Variants in PRKG1 observed in about 807,000 individuals in gnomAD.
PRKG1 encodes the protein cGMP-dependent protein kinase 1.
A neutral mutation model predicts 88.1 loss-of-function variants in PRKG1; 35 were observed. The observed-to-expected ratio is 0.40, with a 90% CI of 0.30 to 0.53. PRKG1 has a LOEUF of 0.53. Among genes scored for constraint, PRKG1 ranks in the 20% least tolerant of loss-of-function variants. The pLI is 0.59. For missense variants in PRKG1, 540 were observed against 839.8 expected (o/e 0.64, Z 4.41); for synonymous variants, 303 against 292.5 (o/e 1.04, Z -0.37).
chr10:51,697,557 A>G, intron 3 of PRKG1: 1 of 867,708 alleles, frequency 1.2e-6, no homozygotes, highest in East Asian at 2.6e-5. Context: ...GAAAGAAAGA[A>G]AAAGAACAAA....
At chr10:51,947,660 G>C (rs1013777083) in intron 5 of PRKG1, among the ~76,000 whole-genome samples, 4 of 152,186 alleles carry the variant, frequency 2.6e-5, no homozygotes, top group Non-Finnish European at 4.4e-5. Context: ...CACTCAAGCA[G>C]GTTCATGGGC....
rs112239239 is a variant in PRKG1 at position 51,765,112 on chromosome 10, G to A, written c.593-39473G>A. 2.6e-3 allele frequency among the ~76,000 whole-genome samples: 398 copies of A among 152,256 alleles called. 5 individuals carry two copies. The highest frequency in any genetic ancestry group is 0.01 in the Middle Eastern group (3 of 294). ...CTAGTGTGTATTAGGAAGGAAGATGGGGAGCACAGCTAGTTTCTTGAATTC... is the reference window on the plus strand; with the variant it reads ...CTAGTGTGTATTAGGAAGGAAGATGAGGAGCACAGCTAGTTTCTTGAATTC... On this transcript the variant is annotated intron_variant, in intron 3 of 17. Coordinates refer to ENST00000373980, the MANE Select transcript of PRKG1 (RefSeq NM_006258.4).
chr10:52,215,280 G>A (rs180781950), intron 9 of PRKG1, among the ~76,000 whole-genome samples: 1 of 151,730 alleles, frequency 6.6e-6, no homozygotes, highest in Non-Finnish European at 1.5e-5. Flanking sequence ...TGTAATCCCA[G>A]CTACTTGGGA....
intron 2 of PRKG1, among the ~76,000 whole-genome samples, chr10:51,182,797 C>T (rs928068163): frequency 6.6e-6 from 1 of 152,198 alleles, no homozygotes; most frequent in African/African-American, 2.4e-5. Flanking sequence ...GTCCAGGGGA[C>T]ACCACTCAGC....
intron 1 of PRKG1, among the ~76,000 whole-genome samples, chr10:51,119,293 T>C (rs1333126730): frequency 2.0e-5 from 3 of 152,108 alleles, no homozygotes; most frequent in Non-Finnish European, 2.9e-5. Flanking sequence ...CTTTGAGTTA[T>C]TGATCTTTGT....
intron 2 of PRKG1, among the ~76,000 whole-genome samples, chr10:51,167,652 G>A (rs1846585927): frequency 6.6e-6 from 1 of 152,202 alleles, no homozygotes. Context: ...CAAGATGGCA[G>A]TGTGGGAGAT....
intron 1 of PRKG1, among the ~76,000 whole-genome samples, chr10:51,114,202 G>C (rs1845051332): frequency 6.6e-6 from 1 of 152,064 alleles, no homozygotes; most frequent in Non-Finnish European, 1.5e-5. Flanking sequence ...ACATGATTTA[G>C]GTTAAATATG....
intron 4 of PRKG1, among the ~76,000 whole-genome samples, chr10:51,873,553 A>T (rs1841212509): frequency 7.2e-6 from 1 of 139,468 alleles, no homozygotes; most frequent in Non-Finnish European, 1.5e-5. Context: ...TTTGAGACGG[A>T]GTCTTGCTCT....
chr10:51,679,207 A>C (rs1320421941), intron 3 of PRKG1, among the ~76,000 whole-genome samples: 1 of 152,152 alleles, frequency 6.6e-6, no homozygotes, highest in Non-Finnish European at 1.5e-5. Flanking sequence ...ATTATTTTTC[A>C]TTCAATTCTG....
intron 3 of PRKG1, chr10:51,698,668 C>A (rs769196029): frequency 6.2e-7 from 1 of 1,614,072 alleles, no homozygotes; most frequent in Non-Finnish European, 8.5e-7. Context: ...CTGGGCCAAC[C>A]CCTGGCATTC....
intron 3 of PRKG1, among the ~76,000 whole-genome samples, chr10:51,615,144 T>G (rs182404622): frequency 5.9e-5 from 9 of 151,764 alleles, no homozygotes; most frequent in East Asian, 3.9e-4. Flanking sequence ...TATATTCAAC[T>G]TTGAATATAT....
At chr10:51,191,054 G>A (rs1365389226) in intron 2 of PRKG1, among the ~76,000 whole-genome samples, 1 of 151,852 alleles carries the variant, frequency 6.6e-6, no homozygotes, top group Non-Finnish European at 1.5e-5. Context: ...CTGGAAAATA[G>A]TAGGCTAAAC....
intron 7 of PRKG1, among the ~76,000 whole-genome samples, chr10:52,074,991 T>C (rs10740415): frequency 1 from 152,076 of 152,312 alleles, 75,920 homozygotes; most frequent in Middle Eastern, 1. Context: ...TTGCCTTATC[T>C]CCTATTCCAG....
chr10:51,915,836 A>T (rs968949788), intron 5 of PRKG1, among the ~76,000 whole-genome samples: 2 of 152,194 alleles, frequency 1.3e-5, no homozygotes, highest in Non-Finnish European at 2.9e-5. Flanking sequence ...AAAGTCCTAT[A>T]AGGACACAAA....
At chr10:51,222,124 C>G (rs558629554) in intron 2 of PRKG1, among the ~76,000 whole-genome samples, 2 of 110,724 alleles carry the variant, frequency 1.8e-5, no homozygotes, top group Non-Finnish European at 3.4e-5. Flanking sequence ...TGATCCGCGC[C>G]CCCCCCCGAC....
At chr10:52,008,449 C>T (rs998519084) in intron 5 of PRKG1, among the ~76,000 whole-genome samples, 1 of 152,050 alleles carries the variant, frequency 6.6e-6, no homozygotes, top group African/African-American at 2.4e-5. Context: ...GACATTACCA[C>T]TGACCTCACA....
intron 3 of PRKG1, among the ~76,000 whole-genome samples, chr10:51,595,361 G>A (rs919299992): frequency 6.6e-6 from 1 of 152,116 alleles, no homozygotes; most frequent in Non-Finnish European, 1.5e-5. Flanking sequence ...TGTGGTGGTG[G>A]CTCATGCCTG....
intron 9 of PRKG1, among the ~76,000 whole-genome samples, chr10:52,175,059 T>C (rs11001067): frequency 0.074 from 11,218 of 152,088 alleles, 825 homozygotes; most frequent in East Asian, 0.35. Flanking sequence ...CATCCTACAA[T>C]GATATAGAAC....
chr10:51,175,928 G>T (rs112774301), intron 2 of PRKG1, among the ~76,000 whole-genome samples: 1 of 152,012 alleles, frequency 6.6e-6, no homozygotes, highest in Non-Finnish European at 1.5e-5. Flanking sequence ...ATGAGTAATT[G>T]CATCTTTCAT....
Sources: gnomAD v4.1 joint callset for allele counts (sites outside exome capture counted in the v4.1 genomes callset) on GRCh38, gnomAD v4.1.1 for gene constraint, MANE v1.5 for transcripts, NCBI Gene and HGNC (gene_info 2026-07-23, HGNC 2026-07-21) for gene names.